Variants in SOX6 observed in about 807,000 individuals in gnomAD.
The protein encoded by SOX6 is transcription factor SOX-6.
SOX6 carries 11 observed loss-of-function variants against 97.8 expected under a neutral mutation model. The observed-to-expected ratio is 0.11, with a 90% confidence interval of 0.07 to 0.19. SOX6 has a LOEUF of 0.19. SOX6 is among the 10% of genes least tolerant of loss of function. The pLI is 1.00. For missense variants in SOX6, 810 were observed against 1,039.5 expected, an observed-to-expected ratio of 0.78 and a Z score of 3.04; for synonymous variants, 360 against 371.4, an observed-to-expected ratio of 0.97 and a Z score of 0.35.
intron 2 of SOX6, among the ~76,000 whole-genome samples, chr11:16,327,364 A>G (rs1856133847): frequency 6.6e-6 from 1 of 152,038 alleles, no homozygotes; most frequent in African/African-American, 2.4e-5. Context: ...TCTATTTTCA[A>G]TTCTGAAAAT....
chr11:16,404,242 A>G (rs1858631310), intron 1 of SOX6, among the ~76,000 whole-genome samples: 2 of 151,904 alleles, frequency 1.3e-5, no homozygotes, highest in South Asian at 4.1e-4. Context: ...CTCTTGCTTC[A>G]TTCAAACTGT....
intron 2 of SOX6, among the ~76,000 whole-genome samples, chr11:16,325,251 A>G (rs1251655001): frequency 4.6e-5 from 7 of 152,174 alleles, no homozygotes; most frequent in Non-Finnish European, 5.9e-5. Flanking sequence ...ATTAAATGAA[A>G]AAAAGCATAT....
rs1335474390 is a variant in SOX6 at position 16,413,840 on chromosome 11, C to T, written c.-5+62475G>A. On this transcript the variant is annotated intron_variant, in intron 1 of 15. Coordinates refer to the SOX6 transcript ENST00000396356. ...CGGCCGAGTTCTACACTTTTAAATG[C>T]GTATACCACAAAAGTCTAACATTTT... is the stretch of plus-strand genomic sequence containing the variant. Among the ~76,000 whole-genome samples, 23 of 152,106 alleles carry T rather than the reference C, an allele frequency of 1.5e-4. No individual in the cohort carries two copies. The East Asian group carries it at 1.9e-3, about 13-fold the overall frequency.
intron 3 of SOX6, among the ~76,000 whole-genome samples, chr11:16,682,801 T>C (rs896129138): frequency 4.6e-5 from 7 of 152,160 alleles, no homozygotes; most frequent in African/African-American, 1.4e-4. Flanking sequence ...TCAAATTGTC[T>C]CTGTTTGCAG....
intron 4 of SOX6, among the ~76,000 whole-genome samples, chr11:16,510,404 T>C (rs1860860664): frequency 6.6e-6 from 1 of 152,036 alleles, no homozygotes; most frequent in Non-Finnish European, 1.5e-5. Context: ...GATCCTGGCC[T>C]ACATGAATGG....
At chr11:15,983,068 G>A (rs544149860) in intron 15 of SOX6, among the ~76,000 whole-genome samples, 18 of 152,072 alleles carry the variant, frequency 1.2e-4, no homozygotes, top group Admixed American at 3.9e-4. Flanking sequence ...TAGTAAATGA[G>A]GCATTATTTC....
intron 1 of SOX6, among the ~76,000 whole-genome samples, chr11:16,437,272 T>A (rs924544278): frequency 1.5e-5 from 1 of 67,118 alleles, no homozygotes; most frequent in African/African-American, 7.2e-5. Flanking sequence ...CTGTCTCTAT[T>A]TTTTTTTTTT....
At chr11:16,081,680 T>C in intron 9 of SOX6, among the ~76,000 whole-genome samples, 1 of 152,306 alleles carries the variant, frequency 6.6e-6, no homozygotes, top group Non-Finnish European at 1.5e-5. Flanking sequence ...CTGTCACTTC[T>C]TATGTGTTTT....
chr11:16,014,953 T>C lies in SOX6; in HGVS notation c.1721A>G (p.Glu574Gly), dbSNP rs763813490. The change falls in exon 13 of 16, where the codon GAA becomes GGA. Residue 574 changes from glutamate to glycine, a missense_variant. Around this residue, in one of 9 missense-constraint regions of SOX6, gnomAD observed 120 missense variants for 127.0 expected, o/e 0.94. Transcript: ENST00000683767. ...GAAAAGCCACTCACCCTCTGCATCT[T>C]CTGGCCGAGTAAGGTCGATGACACC... The part of the protein sequence containing the change: ...GPGVIDLTRP[E>G]DAEGSKAMNG... 3 of 1,612,678 alleles carry C rather than the reference T, an allele frequency of 1.9e-6. No homozygotes were observed. Among genetic ancestry groups the C allele is most frequent in the Admixed American group, 1.7e-5 (1 of 59,836 alleles).
At chr11:16,513,859 T>C (rs1860918948) in intron 4 of SOX6, among the ~76,000 whole-genome samples, 1 of 152,062 alleles carries the variant, frequency 6.6e-6, no homozygotes, top group African/African-American at 2.4e-5. Flanking sequence ...TCAAATCCAA[T>C]TGAGTTTTAC....
chr11:16,178,990 ATATC>A (rs756696021), intron 6 of SOX6, among the ~76,000 whole-genome samples: 3 of 151,928 alleles, frequency 2.0e-5, no homozygotes. Context: ...TCTCCAATAT[ATATC>A]TATTATTATT....
At chr11:16,508,611 T>C (rs949036835) in intron 4 of SOX6, among the ~76,000 whole-genome samples, 1 of 148,456 alleles carries the variant, frequency 6.7e-6, no homozygotes, top group East Asian at 2.0e-4. Context: ...TTCTCCCGCA[T>C]ACATGAGAGG....
At chr11:16,719,575 C>T (rs1377185326) in intron 2 of SOX6, among the ~76,000 whole-genome samples, 1 of 152,104 alleles carries the variant, frequency 6.6e-6, no homozygotes, top group Non-Finnish European at 1.5e-5. Flanking sequence ...GTTTTCTGTA[C>T]CTTGATATAA....
At chr11:16,363,493 T>C (rs532936568) in intron 1 of SOX6, among the ~76,000 whole-genome samples, 1 of 152,266 alleles carries the variant, frequency 6.6e-6, no homozygotes, top group African/African-American at 2.4e-5. Flanking sequence ...TCCCAAGCAT[T>C]TTGGTTATGA....
intron 4 of SOX6, among the ~76,000 whole-genome samples, chr11:16,538,563 T>G (rs1395128025): frequency 1.3e-5 from 2 of 152,146 alleles, no homozygotes; most frequent in African/African-American, 4.8e-5. Flanking sequence ...ATCAGTGTAC[T>G]GTATTCAGGA....
At chr11:16,461,750 A>T (rs1470228660) in intron 1 of SOX6, among the ~76,000 whole-genome samples, 1 of 152,184 alleles carries the variant, frequency 6.6e-6, no homozygotes, top group Non-Finnish European at 1.5e-5. Flanking sequence ...TTTTAACTCT[A>T]TTAAGGCATT....
chr11:16,542,657 C>T (rs1364689450), intron 4 of SOX6, among the ~76,000 whole-genome samples: 1 of 152,026 alleles, frequency 6.6e-6, no homozygotes, highest in African/African-American at 2.4e-5. Flanking sequence ...TTTTTAATAA[C>T]TTGAATTATT....
intron 9 of SOX6, among the ~76,000 whole-genome samples, chr11:16,078,708 G>T (rs180964756): frequency 2.0e-5 from 3 of 152,154 alleles, no homozygotes; most frequent in East Asian, 1.9e-4. Flanking sequence ...AAGTGATCAG[G>T]TATATGAGTA....
intron 4 of SOX6, among the ~76,000 whole-genome samples, chr11:16,586,635 C>T (rs1329571737): frequency 6.6e-6 from 1 of 152,026 alleles, no homozygotes; most frequent in Non-Finnish European, 1.5e-5. Context: ...TGAGAGAATC[C>T]TTTGAGCCCA....
Sources: allele counts gnomAD v4.1 joint callset (sites outside exome capture counted in the v4.1 genomes callset), GRCh38; gene constraint gnomAD v4.1.1; regional missense constraint gnomAD v4.1.1; transcripts MANE v1.5; gene names NCBI Gene and HGNC (gene_info 2026-07-23, HGNC 2026-07-21).